The following NBAS variants were observed in gnomAD, a reference collection of about 807,000 sequenced individuals.
NBAS encodes the protein NBAS subunit of NRZ tethering complex, also known as NAG/BC035112 fusion.
In NBAS, 219 loss-of-function variants were observed where a neutral mutation model predicts 302.5. The observed-to-expected ratio is 0.72, with a 90% CI of 0.65 to 0.81. The LOEUF is 0.81. Ranked by LOEUF, NBAS falls within the 30% of genes least tolerant of loss-of-function variation. NBAS has a pLI of 0.00. For synonymous variants in NBAS, 1,118 were observed against 1,021.6 expected, an observed-to-expected ratio of 1.09 and a Z score of -1.80; for missense variants, 2,932 against 2,841.6, an observed-to-expected ratio of 1.03 and a Z score of -0.72.
the NBAS span, among the ~76,000 whole-genome samples, chr2:14,981,977 G>A: frequency 6.6e-6 from 1 of 152,162 alleles, no homozygotes; most frequent in African/African-American, 2.4e-5. Context: ...TGGAATCCAT[G>A]CTTGCCGTAG....
At chr2:15,312,708 ATT>A (rs1671335772) in intron 38 of NBAS, among the ~76,000 whole-genome samples, 1 of 152,302 alleles carries the variant, frequency 6.6e-6, no homozygotes, top group Admixed American at 6.5e-5. Context: ...CAAATTAATC[ATT>A]CTTTACCCAA....
chr2:15,114,004 C>A, the NBAS span, among the ~76,000 whole-genome samples: 1 of 152,046 alleles, frequency 6.6e-6, no homozygotes, highest in Admixed American at 6.6e-5. Context: ...TTTGCCTCCT[C>A]CCTCCCAAAA....
intron 40 of NBAS, among the ~76,000 whole-genome samples, chr2:15,300,724 G>C (rs913048299): frequency 2.0e-5 from 3 of 152,212 alleles, no homozygotes; most frequent in African/African-American, 7.2e-5. Context: ...ACTGAGCGGA[G>C]AGAGATGTGT....
At position 15,527,453 on chromosome 2, in the gene NBAS, C is replaced by G. The variant is rs138425572; in HGVS notation, c.746+7090G>C. 5.3e-5 allele frequency among the ~76,000 whole-genome samples: 8 copies of G among 152,274 alleles called. No homozygotes were observed. In the East Asian group the frequency reaches 1.5e-3, roughly 29 times the overall value. Reference sequence around the variant, plus strand: ...GACTGGGAAGTTCAAGACCAAGGTGCAGTGAGGTTGGTTGTCTGGTGGGAG... The same window carrying G: ...GACTGGGAAGTTCAAGACCAAGGTGGAGTGAGGTTGGTTGTCTGGTGGGAG... On this transcript the variant is annotated intron_variant, in intron 9 of 51. Coordinates refer to ENST00000281513, the MANE Select transcript of NBAS (RefSeq NM_015909.4).
intron 28 of NBAS, among the ~76,000 whole-genome samples, chr2:15,390,771 A>C (rs911991352): frequency 3.9e-4 from 60 of 152,308 alleles, no homozygotes; most frequent in African/African-American, 1.4e-3. Context: ...AAAATACAAA[A>C]ATATGATAGC....
the NBAS span, among the ~76,000 whole-genome samples, chr2:14,792,709 C>A: frequency 2.8e-4 from 42 of 151,820 alleles, no homozygotes; most frequent in Admixed American, 1.3e-3. Flanking sequence ...CCTAGAGTCC[C>A]CAAACATAAT....
At chr2:15,429,472 G>A (rs560003470) in intron 21 of NBAS, among the ~76,000 whole-genome samples, 7 of 152,180 alleles carry the variant, frequency 4.6e-5, no homozygotes, top group African/African-American at 1.2e-4. Flanking sequence ...CTTCATAAAC[G>A]TTTGAAAATT....
chr2:15,196,831 T>C (rs1461530628), intron 48 of NBAS, among the ~76,000 whole-genome samples: 2 of 137,834 alleles, frequency 1.5e-5, no homozygotes, highest in Non-Finnish European at 3.0e-5. Flanking sequence ...TTTCTGTTTG[T>C]TCGTTTAAAG....
At chr2:15,087,150 G>A in the NBAS span, among the ~76,000 whole-genome samples, 1 of 150,352 alleles carries the variant, frequency 6.7e-6, no homozygotes, top group Admixed American at 6.6e-5. Flanking sequence ...GCTCTCCTAG[G>A]TCTCACCCTG....
At chr2:15,427,852 C>T in intron 21 of NBAS, 58 bp from the exon 22 acceptor site, 2 of 1,319,448 alleles carry the variant, frequency 1.5e-6, no homozygotes, top group Non-Finnish European at 2.1e-6. Context: ...GACTTAGCCA[C>T]ACAAGGAGTA....
chr2:15,230,656 G>A (rs1044116332), intron 47 of NBAS, among the ~76,000 whole-genome samples: 8 of 152,170 alleles, frequency 5.3e-5, no homozygotes, highest in Admixed American at 2.6e-4. Context: ...AAGCCCCATT[G>A]AAAGGGGACT....
chr2:15,166,515 C>T (rs1296967417), downstream of NBAS, among the ~76,000 whole-genome samples: 1 of 152,168 alleles, frequency 6.6e-6, no homozygotes. Flanking sequence ...GCCTCACACA[C>T]ACAACCCCAC....
chr2:15,116,250 A>G, the NBAS span, among the ~76,000 whole-genome samples: 2 of 152,232 alleles, frequency 1.3e-5, no homozygotes, highest in East Asian at 3.8e-4. Context: ...AAGGTATCTT[A>G]GCTTCGACTA....
chr2:15,285,291 CCA>C (rs992718516), intron 42 of NBAS, among the ~76,000 whole-genome samples: 5 of 152,034 alleles, frequency 3.3e-5, no homozygotes, highest in Admixed American at 1.3e-4. Flanking sequence ...GGATTTGACC[CCA>C]CTCAATACTC....
chr2:15,515,652 C>T (rs182474425), intron 9 of NBAS, among the ~76,000 whole-genome samples: 105 of 152,232 alleles, frequency 6.9e-4, no homozygotes, highest in African/African-American at 2.4e-3. Flanking sequence ...ATAAAACAGG[C>T]TTATGGTGAT....
intron 35 of NBAS, among the ~76,000 whole-genome samples, chr2:15,339,273 C>T (rs973508713): frequency 5.3e-5 from 8 of 152,012 alleles, no homozygotes; most frequent in African/African-American, 1.7e-4. Flanking sequence ...GTTTAAGACC[C>T]AGCGCTAGGC....
intron 11 of NBAS, among the ~76,000 whole-genome samples, chr2:15,499,267 A>C (rs1681190740): frequency 6.6e-6 from 1 of 152,106 alleles, no homozygotes; most frequent in Non-Finnish European, 1.5e-5. Context: ...AGACTAATAC[A>C]CTGGGGAATA....
chr2:14,811,347 C>T, the NBAS span, among the ~76,000 whole-genome samples: 1,657 of 152,176 alleles, frequency 0.011, 31 homozygotes, highest in African/African-American at 0.037. Context: ...GAGTTCAAGG[C>T]TGCAGTAAGC....
At chr2:14,851,102 A>AGACAC in the NBAS span, among the ~76,000 whole-genome samples, 15 of 130,176 alleles carry the variant, frequency 1.2e-4, no homozygotes, top group South Asian at 2.0e-3. Context: ...AAGGAAATAG[A>AGACAC]GACACAAAAA....
Sources: gnomAD v4.1 joint callset for allele counts (sites outside exome capture counted in the v4.1 genomes callset) on GRCh38, gnomAD v4.1.1 for gene constraint, MANE v1.5 for transcripts, NCBI Gene and HGNC (gene_info 2026-07-23, HGNC 2026-07-21) for gene names.